The following KLRG2 variants were observed in gnomAD, a reference collection of about 807,000 sequenced individuals.
The protein encoded by KLRG2 is killer cell lectin-like receptor subfamily G member 2.
KLRG2 carries 39 observed loss-of-function variants against 35.4 expected under a neutral mutation model. That is an observed-to-expected ratio of 1.10 (90% CI 0.85 to 1.44). KLRG2 has a LOEUF of 1.44. KLRG2 is among the 40% of genes most tolerant of loss of function. The pLI, the probability that KLRG2 is intolerant of heterozygous loss-of-function variation, is 0.00. For missense variants in KLRG2, 632 were observed against 570.9 expected (o/e 1.11, Z -1.09); for synonymous variants, 283 against 265.8 (o/e 1.06, Z -0.63).
chr7:139,469,277 A>C (rs1196616735), intron 3 of KLRG2, among the ~76,000 whole-genome samples: 1 of 152,120 alleles, frequency 6.6e-6, no homozygotes, highest in Non-Finnish European at 1.5e-5. Context: ...CTCCTGCCTC[A>C]GCCTCCCGAA....
At chr7:139,469,304 C>A (rs1796718276) in intron 3 of KLRG2, among the ~76,000 whole-genome samples, 1 of 152,108 alleles carries the variant, frequency 6.6e-6, no homozygotes, top group Non-Finnish European at 1.5e-5. Flanking sequence ...GGACTACAGG[C>A]GTGTGCCACC....
At chr7:139,446,336 G>GTTTT in the KLRG2 span, among the ~76,000 whole-genome samples, 6 of 92,040 alleles carry the variant, frequency 6.5e-5, no homozygotes, top group Non-Finnish European at 1.2e-4. Flanking sequence ...ATTTTCCAGG[G>GTTTT]TTTTTTTTTT....
At chr7:139,442,426 G>C in the KLRG2 span, among the ~76,000 whole-genome samples, 1 of 152,194 alleles carries the variant, frequency 6.6e-6, no homozygotes, top group African/African-American at 2.4e-5. Context: ...AAAGATGACT[G>C]ATAGGCCAGG....
chr7:139,452,517 C>T (rs137865803), downstream of KLRG2, among the ~76,000 whole-genome samples: 93 of 150,126 alleles, frequency 6.2e-4, no homozygotes, highest in African/African-American at 2.0e-3. Flanking sequence ...TTCTCCCAGA[C>T]GGCCCATTAC....
At chr7:139,467,911 C>T (rs986618676) in intron 3 of KLRG2, among the ~76,000 whole-genome samples, 7 of 152,078 alleles carry the variant, frequency 4.6e-5, no homozygotes, top group Non-Finnish European at 7.4e-5. Context: ...GTCTCCTGCT[C>T]GTCACTGGGC....
Position 139,473,044 on chromosome 7 carries a change from G to A in KLRG2, c.1005+6583C>T, listed in dbSNP as rs145273627. ...CGCCTGTAATCCCAGTACTTTGGGAGGCCGAGGTGGGTGGGTCGCTTGAGG... is the reference window on the plus strand; with the variant it reads ...CGCCTGTAATCCCAGTACTTTGGGAAGCCGAGGTGGGTGGGTCGCTTGAGG... On this transcript the variant is annotated intron_variant, in intron 3 of 4. Coordinates refer to ENST00000340940, the MANE Select transcript of KLRG2 (RefSeq NM_198508.4). Among the ~76,000 whole-genome samples the A allele has an allele frequency of 5.0e-3, 763 of 152,384 alleles. 12 individuals carry two copies. Among genetic ancestry groups the A allele is most frequent in the African/African-American group, 0.017 (705 of 41,600 alleles).
At chr7:139,435,513 C>T in the KLRG2 span, among the ~76,000 whole-genome samples, 1 of 152,182 alleles carries the variant, frequency 6.6e-6, no homozygotes, top group Non-Finnish European at 1.5e-5. Flanking sequence ...CAATTTTAAG[C>T]ATACAGTAAG....
intron 3 of KLRG2, among the ~76,000 whole-genome samples, chr7:139,465,520 G>A (rs1246144922): frequency 1.3e-5 from 2 of 151,922 alleles, no homozygotes; most frequent in Admixed American, 6.6e-5. Flanking sequence ...GTGAAACCCC[G>A]TCTCTACTAA....
chr7:139,467,698 C>T (rs942622671), intron 3 of KLRG2, among the ~76,000 whole-genome samples: 3 of 150,862 alleles, frequency 2.0e-5, no homozygotes, highest in Admixed American at 1.3e-4. Flanking sequence ...ACAAACACTG[C>T]GGAAGGCCGC....
rs745786671 is a variant in KLRG2, at chr7:139,479,726, C to A, written c.906G>T (p.Glu302Asp). The A allele has an allele frequency of 6.2e-7, 1 of 1,614,070 alleles. No homozygotes were observed. The highest frequency in any genetic ancestry group is 1.1e-5 in the South Asian group (1 of 91,086). ...QCPPGWVLSEEHCYYFSAEAQ... is the reference protein window; with the variant it reads ...QCPPGWVLSEDHCYYFSAEAQ... ...CTTCTGCAGAGAAGTAGTAACAGTG[C>A]TCCTCGGACAACACCCAGCCTGGGG... The change falls in exon 3 of 5, where the codon GAG becomes GAT. Residue 302 changes from glutamate to aspartate, a missense_variant. By Grantham distance (45) the Glu-to-Asp change is conservative. Coordinates refer to ENST00000340940, the MANE Select transcript of KLRG2 (RefSeq NM_198508.4).
At chr7:139,433,482 C>T in the KLRG2 span, among the ~76,000 whole-genome samples, 1 of 152,128 alleles carries the variant, frequency 6.6e-6, no homozygotes, top group Non-Finnish European at 1.5e-5. Flanking sequence ...TGTGCCACCA[C>T]ACCCGGCTAA....
the KLRG2 span, among the ~76,000 whole-genome samples, chr7:139,432,919 A>T: frequency 2.0e-5 from 3 of 151,808 alleles, no homozygotes; most frequent in African/African-American, 7.3e-5. Context: ...CCAACACCCA[A>T]CTCCCACCCA....
At chr7:139,446,413 G>A in the KLRG2 span, among the ~76,000 whole-genome samples, 5 of 141,664 alleles carry the variant, frequency 3.5e-5, no homozygotes, top group South Asian at 9.4e-4. Flanking sequence ...GCTCAGTCTC[G>A]GCTCACTCCA....
At chr7:139,448,120 A>T (rs1337471295), downstream of KLRG2, among the ~76,000 whole-genome samples, 1 of 151,972 alleles carries the variant, frequency 6.6e-6, no homozygotes, top group Admixed American at 6.6e-5. Context: ...TCAGCCTCCC[A>T]AGCAGCTGGG....
chr7:139,438,677 A>AT, the KLRG2 span, among the ~76,000 whole-genome samples: 47,199 of 142,666 alleles, frequency 0.33, 10,694 homozygotes, highest in African/African-American at 0.66. Flanking sequence ...CATTTTGGCA[A>AT]TTTTTTTTTT....
downstream of KLRG2, among the ~76,000 whole-genome samples, chr7:139,451,776 A>C (rs1178956953): frequency 1.3e-5 from 2 of 152,082 alleles, no homozygotes; most frequent in South Asian, 2.1e-4. Context: ...GGTACTGAGA[A>C]GGCTAGATAA....
chr7:139,455,554 C>A (rs1796462189), intron 3 of KLRG2, among the ~76,000 whole-genome samples: 1 of 151,434 alleles, frequency 6.6e-6, no homozygotes, highest in Admixed American at 6.6e-5. Flanking sequence ...ATCTCCTGAC[C>A]TCGTGATCCG....
chr7:139,470,461 C>T (rs535052163), intron 3 of KLRG2, among the ~76,000 whole-genome samples: 53 of 152,254 alleles, frequency 3.5e-4, no homozygotes, highest in Non-Finnish European at 6.8e-4. Flanking sequence ...TCTTCTTTTT[C>T]CTCTGTCAAA....
At chr7:139,431,112 TAATA>T in the KLRG2 span, among the ~76,000 whole-genome samples, 58,027 of 151,400 alleles carry the variant, frequency 0.38, 15,495 homozygotes, top group African/African-American at 0.76. Context: ...CATGCTGAGC[TAATA>T]AATCAAAAGC....
Sources: gnomAD v4.1 joint callset for allele counts (sites outside exome capture counted in the v4.1 genomes callset) on GRCh38, gnomAD v4.1.1 for gene constraint, MANE v1.5 for transcripts, NCBI Gene and HGNC (gene_info 2026-07-23, HGNC 2026-07-21) for gene names.